Variants in IQGAP2 observed in about 807,000 individuals in gnomAD.
IQGAP2 encodes IQ motif containing GTPase activating protein 2.
A neutral mutation model predicts 201.3 loss-of-function variants in IQGAP2; 173 were observed. The ratio of observed to expected loss-of-function variants is 0.86; its 90% CI spans 0.76 to 0.98. The LOEUF (loss-of-function observed/expected upper bound fraction) is 0.98, where lower values mean the gene tolerates loss of function less well. IQGAP2 is among the 50% of genes least tolerant of loss of function. The pLI, the probability that IQGAP2 is intolerant of heterozygous loss-of-function variation, is 0.00. For missense variants in IQGAP2, 1,687 were observed against 1,864.8 expected, an observed-to-expected ratio of 0.90 and a Z score of 1.76; for synonymous variants, 675 against 673.9, an observed-to-expected ratio of 1.00 and a Z score of -0.03.
intron 1 of IQGAP2, among the ~76,000 whole-genome samples, chr5:76,431,611 T>G (rs137928123): frequency 0.034 from 5,150 of 152,020 alleles, 199 homozygotes; most frequent in Admixed American, 0.13. Context: ...GATCATGAGG[T>G]CAAGAGATTG....
In IQGAP2 at chr5:76,547,242, A is replaced by C. The variant is rs7701807; in HGVS notation, c.147-15154A>C. On this transcript the variant is annotated intron_variant, in intron 2 of 35. Transcript: ENST00000274364. ...AAGGGTTAACTTTGGACATAAGATA[A>C]CTGTAGTTTAAGGGGAGGAAGAGAA... Among the ~76,000 whole-genome samples, 852 of 152,304 alleles carry C rather than the reference A, an allele frequency of 5.6e-3. 7 individuals carry two copies. Among genetic ancestry groups the C allele is most frequent in the East Asian group, 0.018 (94 of 5,188 alleles).
chr5:76,695,944 G>A (rs576463022), intron 32 of IQGAP2, among the ~76,000 whole-genome samples: 6 of 142,844 alleles, frequency 4.2e-5, no homozygotes, highest in African/African-American at 1.3e-4. Flanking sequence ...AGGTTCAAGC[G>A]ATTCTCCTGC....
At chr5:76,570,987 T>C (rs1745075055) in intron 4 of IQGAP2, among the ~76,000 whole-genome samples, 1 of 151,994 alleles carries the variant, frequency 6.6e-6, no homozygotes, top group South Asian at 2.1e-4. Flanking sequence ...TCAGCCACTT[T>C]TGGTGGCTCA....
intron 1 of IQGAP2, among the ~76,000 whole-genome samples, chr5:76,437,556 G>A (rs968332964): frequency 6.6e-6 from 1 of 152,190 alleles, no homozygotes; most frequent in East Asian, 1.9e-4. Context: ...GCCCCACCGT[G>A]TGTTGTTCCC....
chr5:76,524,557 G>A (rs1291605376), intron 2 of IQGAP2, among the ~76,000 whole-genome samples: 1 of 152,124 alleles, frequency 6.6e-6, no homozygotes, highest in Non-Finnish European at 1.5e-5. Context: ...TAAATGGGGA[G>A]GCCATGATTT....
intron 2 of IQGAP2, among the ~76,000 whole-genome samples, chr5:76,478,844 T>C (rs1467671123): frequency 1.3e-5 from 2 of 152,170 alleles, no homozygotes; most frequent in Non-Finnish European, 2.9e-5. Flanking sequence ...CCTCATTAAG[T>C]GATACATGAC....
chr5:76,436,622 C>T (rs1752721852), intron 1 of IQGAP2, among the ~76,000 whole-genome samples: 1 of 139,826 alleles, frequency 7.2e-6, no homozygotes, highest in Admixed American at 7.3e-5. Flanking sequence ...CCTCTGCCTC[C>T]CAGGTTCAAG....
chr5:76,703,109 C>T (rs545323194), intron 35 of IQGAP2, among the ~76,000 whole-genome samples: 1 of 104,822 alleles, frequency 9.5e-6, no homozygotes, highest in South Asian at 3.2e-4. Flanking sequence ...TTCATGATCT[C>T]ATTTTTCCCT....
chr5:76,601,114 C>A, intron 11 of IQGAP2, 142 bp downstream of exon 11: 2 of 699,494 alleles, frequency 2.9e-6, no homozygotes, highest in Non-Finnish European at 4.7e-6. Context: ...AAGAGTCCTT[C>A]TAATTAGTAT....
intron 29 of IQGAP2, 56 bp downstream of exon 29, chr5:76,683,273 G>T (rs902661739): frequency 1.6e-6 from 2 of 1,234,634 alleles, no homozygotes; most frequent in African/African-American, 3.1e-5. Flanking sequence ...GGGTGGGTTG[G>T]TTGGTTGGTT....
chr5:76,485,013 G>C (rs1756030335), intron 2 of IQGAP2, among the ~76,000 whole-genome samples: 1 of 152,128 alleles, frequency 6.6e-6, no homozygotes, highest in Non-Finnish European at 1.5e-5. Context: ...ATTTTTTGAA[G>C]CAACAGAGTC....
chr5:76,580,574 C>G (rs2150290601), intron 5 of IQGAP2, among the ~76,000 whole-genome samples: 1 of 152,258 alleles, frequency 6.6e-6, no homozygotes, highest in Non-Finnish European at 1.5e-5. Flanking sequence ...TTTTTTATTA[C>G]AACTTCCTTT....
At chr5:76,522,586 T>C (rs1758751409) in intron 2 of IQGAP2, among the ~76,000 whole-genome samples, 1 of 152,224 alleles carries the variant, frequency 6.6e-6, no homozygotes. Flanking sequence ...ATTCTGTATA[T>C]TGACAGCAGA....
At chr5:76,622,473 T>C (rs927086496) in intron 13 of IQGAP2, among the ~76,000 whole-genome samples, 2 of 152,180 alleles carry the variant, frequency 1.3e-5, no homozygotes, top group African/African-American at 4.8e-5. Flanking sequence ...CTCCTAACAA[T>C]GTTGACTGGA....
chr5:76,654,344 T>C (rs1208900859), intron 19 of IQGAP2, 73 bp downstream of exon 19: 2 of 962,796 alleles, frequency 2.1e-6, no homozygotes, highest in Non-Finnish European at 1.6e-6. Context: ...AAAGTTAGCA[T>C]TGAATGATTT....
At chr5:76,706,003 G>A (rs1356373347) in intron 35 of IQGAP2, among the ~76,000 whole-genome samples, 1 of 152,186 alleles carries the variant, frequency 6.6e-6, no homozygotes, top group East Asian at 1.9e-4. Flanking sequence ...CAGAATGACA[G>A]TTCGACTTAA....
At chr5:76,542,941 T>G (rs530979643) in intron 2 of IQGAP2, among the ~76,000 whole-genome samples, 13 of 152,338 alleles carry the variant, frequency 8.5e-5, no homozygotes, top group African/African-American at 3.1e-4. Flanking sequence ...CCCATTCATT[T>G]AATAGTCTTT....
At position 76,658,462 on chromosome 5, in the gene IQGAP2, G is replaced by A. The variant is rs760539641; in HGVS notation, c.2324G>A (p.Gly775Asp). Residue 775 changes from glycine (G) to aspartate (D), a missense_variant, in exon 21 of 36, where the codon GGC becomes GAC. Transcript: ENST00000274364. ...KARDDYKTLV[G>D]SENPPLTVIR... ...ATACCTGTTCCTGTCACTGCAGTTG[G>A]CTCTGAAAACCCACCATTAACAGTA... 17 of 1,612,600 alleles carry A rather than the reference G, an allele frequency of 1.1e-5. No homozygotes were observed. Among genetic ancestry groups the A allele is most frequent in the Non-Finnish European group, 1.4e-5 (16 of 1,178,928 alleles).
intron 32 of IQGAP2, among the ~76,000 whole-genome samples, chr5:76,696,020 T>C (rs1746705120): frequency 6.6e-6 from 1 of 151,934 alleles, no homozygotes; most frequent in South Asian, 2.1e-4. Flanking sequence ...TTTGTATTTT[T>C]AGTAGAGACG....
Sources: gnomAD v4.1 joint callset for allele counts (sites outside exome capture counted in the v4.1 genomes callset) on GRCh38, gnomAD v4.1.1 for gene constraint, MANE v1.5 for transcripts, NCBI Gene and HGNC (gene_info 2026-07-23, HGNC 2026-07-21) for gene names.